STK32B: variants seen among roughly 807,000 people sequenced by gnomAD.
STK32B encodes serine/threonine kinase 32B.
A neutral mutation model predicts 52.6 loss-of-function variants in STK32B; 43 were observed. The observed-to-expected ratio is 0.82, with a 90% CI of 0.64 to 1.05. The LOEUF (loss-of-function observed/expected upper bound fraction) is 1.05, where lower values mean the gene tolerates loss of function less well. Among genes scored for constraint, STK32B ranks in the 50% least tolerant of loss-of-function variants. The pLI is 0.00. For synonymous variants in STK32B, 238 were observed against 204.3 expected (o/e 1.17, Z -1.41); for missense variants, 621 against 534.6 (o/e 1.16, Z -1.59).
At chr4:5,140,408 T>C (rs1716350791) in intron 2 of STK32B, 2 of 854,106 alleles carry the variant, frequency 2.3e-6, no homozygotes, top group Non-Finnish European at 3.1e-6. Flanking sequence ...CTCCCCCCAG[T>C]CAAGCTCCAG....
At chr4:5,216,747 G>A (rs555231778) in intron 3 of STK32B, among the ~76,000 whole-genome samples, 1 of 152,288 alleles carries the variant, frequency 6.6e-6, no homozygotes, top group Admixed American at 6.5e-5. Context: ...GCTTAAGAGG[G>A]TTGGGTTTGT....
At chr4:5,391,000 C>G (rs181692521) in intron 4 of STK32B, among the ~76,000 whole-genome samples, 57 of 137,162 alleles carry the variant, frequency 4.2e-4, no homozygotes, top group African/African-American at 1.6e-3. Flanking sequence ...GAATCTCACT[C>G]TGTTGCCCAC....
At chr4:5,311,504 T>C (rs141163083) in intron 3 of STK32B, among the ~76,000 whole-genome samples, 227 of 152,196 alleles carry the variant, frequency 1.5e-3, no homozygotes, top group African/African-American at 5.1e-3. Context: ...AAGCTGATTC[T>C]TCAAAAATAT....
intron 11 of STK32B, among the ~76,000 whole-genome samples, chr4:5,485,973 C>T (rs527513780): frequency 9.5e-4 from 145 of 152,252 alleles, no homozygotes; most frequent in African/African-American, 3.4e-3. Context: ...AGTACCTGGC[C>T]GTGTGAGGTG....
At chr4:5,035,329 T>G in the STK32B span, among the ~76,000 whole-genome samples, 1 of 152,200 alleles carries the variant, frequency 6.6e-6, no homozygotes, top group Non-Finnish European at 1.5e-5. Context: ...CTTTCTAGCT[T>G]GAGTAAATGA....
At chr4:5,473,777 A>T in intron 11 of STK32B, among the ~76,000 whole-genome samples, 1 of 152,280 alleles carries the variant, frequency 6.6e-6, no homozygotes, top group East Asian at 1.9e-4. Context: ...TTTGCTGTGG[A>T]TGGAGGGTGC....
chr4:5,130,069 A>G (rs1367370142), intron 1 of STK32B, among the ~76,000 whole-genome samples: 2 of 152,082 alleles, frequency 1.3e-5, no homozygotes, highest in African/African-American at 4.8e-5. Flanking sequence ...GACAATTCCT[A>G]AAACAGAAAT....
At chr4:5,422,695 C>T (rs195099) in intron 6 of STK32B, among the ~76,000 whole-genome samples, 8 of 151,822 alleles carry the variant, frequency 5.3e-5, no homozygotes, top group Admixed American at 2.0e-4. Context: ...GGCTGCAGAG[C>T]GGGGTACTGC....
intron 1 of STK32B, among the ~76,000 whole-genome samples, chr4:5,091,249 T>C (rs1165271445): frequency 6.6e-6 from 1 of 152,108 alleles, no homozygotes; most frequent in Non-Finnish European, 1.5e-5. Flanking sequence ...CAAAATTAAA[T>C]ATTTTTATGC....
chr4:5,224,759 A>G (rs753303075), intron 3 of STK32B, among the ~76,000 whole-genome samples: 1 of 152,216 alleles, frequency 6.6e-6, no homozygotes, highest in Non-Finnish European at 1.5e-5. Context: ...GACAAATAAT[A>G]TATGGTGATG....
chr4:5,133,618 A>C (rs188876073), intron 1 of STK32B, among the ~76,000 whole-genome samples: 3 of 152,298 alleles, frequency 2.0e-5, no homozygotes, highest in Admixed American at 2.0e-4. Flanking sequence ...GGAGAGACAA[A>C]CTCAGAAATA....
intron 1 of STK32B, among the ~76,000 whole-genome samples, chr4:5,055,465 G>A (rs1207016313): frequency 6.6e-6 from 1 of 151,982 alleles, no homozygotes; most frequent in African/African-American, 2.4e-5. Flanking sequence ...CCCCGTCACT[G>A]TCCCCTCAAT....
chr4:5,325,395 T>C (rs1731805410), intron 3 of STK32B, among the ~76,000 whole-genome samples: 1 of 152,130 alleles, frequency 6.6e-6, no homozygotes, highest in African/African-American at 2.4e-5. Context: ...CTCTGTGTGC[T>C]GGGGAGATTT....
At chr4:5,443,622 A>G (rs145035070) in intron 6 of STK32B, among the ~76,000 whole-genome samples, 14,239 of 152,144 alleles carry the variant, frequency 0.094, 1,002 homozygotes, top group East Asian at 0.4. Context: ...TTCTCCATCC[A>G]GCTTTGTTCC....
intron 4 of STK32B, among the ~76,000 whole-genome samples, chr4:5,336,478 C>T (rs981599233): frequency 3.3e-5 from 5 of 152,054 alleles, no homozygotes; most frequent in African/African-American, 1.2e-4. Context: ...AACAGTGACT[C>T]TGGAAACATC....
At position 5,470,615 on chromosome 4, in the gene STK32B, A is replaced by G. The variant is rs565797289; in HGVS notation, c.1106+2545A>G. On this transcript the variant is annotated intron_variant, in intron 11 of 11. Coordinates refer to ENST00000282908, the MANE Select transcript of STK32B (RefSeq NM_018401.3). This position sits in a 1 kb window ranked among gnomAD's most constrained non-coding sequence, Gnocchi z 4.6. ...TTTGCTGTGTCCCCCAAGATGCATC[A>G]GCCGACCCCATCCCCACCTCATCTT... 1.3e-5 allele frequency among the ~76,000 whole-genome samples: 2 copies of G among 152,184 alleles called. No individual in the cohort carries two copies. The highest frequency in any genetic ancestry group is 4.8e-5 in the African/African-American group (2 of 41,566).
chr4:5,328,370 A>C (rs1350099535), intron 3 of STK32B, among the ~76,000 whole-genome samples: 2 of 152,174 alleles, frequency 1.3e-5, no homozygotes, highest in Admixed American at 1.3e-4. Flanking sequence ...AATCATTTCT[A>C]GTACTTGATG....
At chr4:5,427,257 G>A (rs1056114597) in intron 6 of STK32B, among the ~76,000 whole-genome samples, 1 of 152,106 alleles carries the variant, frequency 6.6e-6, no homozygotes, top group African/African-American at 2.4e-5. Flanking sequence ...TGATCATAAC[G>A]TAGTATCTTT....
chr4:5,173,166 C>G (rs564313087), intron 3 of STK32B, among the ~76,000 whole-genome samples: 1 of 152,074 alleles, frequency 6.6e-6, no homozygotes, highest in African/African-American at 2.4e-5. Flanking sequence ...TCCCCTTTGT[C>G]ATTTTTATTG....
Sources: allele counts gnomAD v4.1 joint callset (sites outside exome capture counted in the v4.1 genomes callset), GRCh38; gene constraint gnomAD v4.1.1; non-coding constraint Gnocchi (gnomAD v3.1); transcripts MANE v1.5; gene names NCBI Gene and HGNC (gene_info 2026-07-23, HGNC 2026-07-21).